The following RAD51B variants were observed in gnomAD, a reference collection of about 807,000 sequenced individuals.
The protein encoded by RAD51B is RAD51 paralog B.
A neutral mutation model predicts 42.2 loss-of-function variants in RAD51B; 38 were observed. The observed-to-expected ratio is 0.90, with a 90% CI of 0.70 to 1.18. The LOEUF (loss-of-function observed/expected upper bound fraction) is 1.18. Among genes scored for constraint, RAD51B ranks in the 50% most tolerant of loss-of-function variants. The pLI, the probability that RAD51B is intolerant of heterozygous loss-of-function variation, is 0.00. For missense variants in RAD51B, 373 were observed against 400.7 expected (o/e 0.93, Z 0.59); for synonymous variants, 154 against 145.2 (o/e 1.06, Z -0.43).
At chr14:68,043,253 C>T (rs569128459) in intron 7 of RAD51B, among the ~76,000 whole-genome samples, 1 of 152,276 alleles carries the variant, frequency 6.6e-6, no homozygotes, top group East Asian at 1.9e-4. Flanking sequence ...AGAGGGGTGG[C>T]CATTGGCTTT....
At chr14:68,613,701 G>A (rs71425370), downstream of RAD51B, among the ~76,000 whole-genome samples, 105,791 of 151,268 alleles carry the variant, frequency 0.7, 37,552 homozygotes, top group South Asian at 0.81. Flanking sequence ...TGATCCACCC[G>A]CCTTGACCTC....
chr14:68,091,611 T>C (rs1376007058), intron 7 of RAD51B, among the ~76,000 whole-genome samples: 1 of 152,224 alleles, frequency 6.6e-6, no homozygotes, highest in African/African-American at 2.4e-5. Context: ...CTTTGTCAGA[T>C]GAGTAGATTG....
At chr14:68,248,740 T>C in intron 7 of RAD51B, among the ~76,000 whole-genome samples, 1 of 152,240 alleles carries the variant, frequency 6.6e-6, no homozygotes, top group East Asian at 1.9e-4. Flanking sequence ...GCAGTGATTC[T>C]AAAACGTATG....
chr14:68,615,285 A>C (rs1007478963), downstream of RAD51B, among the ~76,000 whole-genome samples: 4 of 152,060 alleles, frequency 2.6e-5, no homozygotes, highest in African/African-American at 9.7e-5. Context: ...TTTTTGATTC[A>C]TATATTATGA....
intron 11 of RAD51B, among the ~76,000 whole-genome samples, chr14:68,658,306 G>T (rs943979028): frequency 6.6e-6 from 1 of 152,232 alleles, no homozygotes; most frequent in African/African-American, 2.4e-5. Flanking sequence ...CCCGGACCGA[G>T]AATCTGGGGC....
At chr14:67,843,538 T>A (rs1033574541) in intron 4 of RAD51B, 3 of 152,134 alleles carry the variant, frequency 2.0e-5, no homozygotes, top group African/African-American at 7.2e-5. Flanking sequence ...TCGGACCTCA[T>A]TATTGGTCTG....
intron 3 of RAD51B, among the ~76,000 whole-genome samples, chr14:67,830,890 A>ATT (rs113745780): frequency 1.9e-4 from 28 of 145,540 alleles, no homozygotes; most frequent in Middle Eastern, 3.5e-3. Flanking sequence ...TACTTGTGTA[A>ATT]TTTTTTTTTT....
At chr14:68,522,087 C>T (rs1466524053) in intron 10 of RAD51B, among the ~76,000 whole-genome samples, 1 of 152,216 alleles carries the variant, frequency 6.6e-6, no homozygotes, top group African/African-American at 2.4e-5. Context: ...CAGCGTCTTG[C>T]TCCCAGTCCA....
At chr14:68,457,250 T>C (rs1168060365) in intron 9 of RAD51B, among the ~76,000 whole-genome samples, 1 of 151,616 alleles carries the variant, frequency 6.6e-6, no homozygotes, top group Non-Finnish European at 1.5e-5. Flanking sequence ...AAAGGAAAAT[T>C]TGGAAATTCT....
At chr14:68,435,095 C>G (rs2085113547) in intron 9 of RAD51B, among the ~76,000 whole-genome samples, 1 of 152,136 alleles carries the variant, frequency 6.6e-6, no homozygotes, top group Non-Finnish European at 1.5e-5. Context: ...TTACGAGATG[C>G]TGAAGTTTGA....
intron 10 of RAD51B, among the ~76,000 whole-genome samples, chr14:68,569,269 G>T (rs2140036055): frequency 6.6e-6 from 1 of 152,320 alleles, no homozygotes; most frequent in South Asian, 2.1e-4. Context: ...CCCCATAGGG[G>T]TTAGGAGGGT....
At chr14:67,889,884 T>C (rs1249952103) in intron 7 of RAD51B, among the ~76,000 whole-genome samples, 1 of 152,184 alleles carries the variant, frequency 6.6e-6, no homozygotes, top group African/African-American at 2.4e-5. Flanking sequence ...CCTTTGAGTA[T>C]GTTCAGACTG....
chr14:68,514,501 T>TC (rs1169192689), intron 10 of RAD51B, among the ~76,000 whole-genome samples: 1 of 152,154 alleles, frequency 6.6e-6, no homozygotes, highest in African/African-American at 2.4e-5. Flanking sequence ...TGCCTTGGGT[T>TC]CCCCAGCTCC....
rs138930169 is a variant in RAD51B, at chr14:68,088,349, C to T, written c.756+201145C>T. ...CAAATTTACTTACTTACTTTTTTAC[C>T]GTGACCAATTTGGATCGCTGTCATT... On this transcript the variant is annotated intron_variant, in intron 7 of 10. Transcript: ENST00000471583. Among the ~76,000 whole-genome samples, 450 of 151,756 alleles carry T rather than the reference C, an allele frequency of 3.0e-3. 2 individuals carry two copies. The highest frequency in any genetic ancestry group is 0.01 in the African/African-American group (431 of 41,378).
intron 7 of RAD51B, among the ~76,000 whole-genome samples, chr14:68,013,060 G>A (rs1305510952): frequency 1.3e-5 from 2 of 152,126 alleles, no homozygotes; most frequent in Non-Finnish European, 2.9e-5. Context: ...GGCACAGCAG[G>A]AATGGCTTCT....
intron 10 of RAD51B, among the ~76,000 whole-genome samples, chr14:68,512,537 G>T (rs1885801207): frequency 1.3e-5 from 2 of 152,180 alleles, no homozygotes; most frequent in Admixed American, 6.5e-5. Context: ...AATCATGGAA[G>T]TGCGGGTCTG....
chr14:67,967,262 C>T (rs577940162), intron 7 of RAD51B, among the ~76,000 whole-genome samples: 5 of 152,270 alleles, frequency 3.3e-5, no homozygotes, highest in East Asian at 1.9e-4. Context: ...GAGTACAGTT[C>T]AAGATGAGAT....
At chr14:68,677,272 G>T (rs1893327279) in intron 11 of RAD51B, among the ~76,000 whole-genome samples, 1 of 152,148 alleles carries the variant, frequency 6.6e-6, no homozygotes, top group African/African-American at 2.4e-5. Context: ...AGTATCCAGG[G>T]CAGAATATTC....
intron 8 of RAD51B, among the ~76,000 whole-genome samples, chr14:68,320,746 A>C (rs1171573334): frequency 6.6e-6 from 1 of 152,200 alleles, no homozygotes; most frequent in Non-Finnish European, 1.5e-5. Flanking sequence ...TCAAACTGGG[A>C]AAGTTTATGA....
Sources: gnomAD v4.1 joint callset for allele counts (sites outside exome capture counted in the v4.1 genomes callset) on GRCh38, gnomAD v4.1.1 for gene constraint, MANE v1.5 for transcripts, NCBI Gene and HGNC (gene_info 2026-07-23, HGNC 2026-07-21) for gene names.